Variants in RPH3A observed in about 807,000 individuals in gnomAD.
RPH3A encodes the protein rabphilin-3A.
In RPH3A, 48 loss-of-function variants were observed where a neutral mutation model predicts 102.2. The observed-to-expected ratio is 0.47, with a 90% CI of 0.37 to 0.60. The LOEUF (loss-of-function observed/expected upper bound fraction) is 0.60, where lower values mean the gene tolerates loss of function less well. Ranked by LOEUF, RPH3A falls within the 20% of genes least tolerant of loss-of-function variation. The probability of loss-of-function intolerance (pLI) is 0.00; values close to 1 mark genes in which losing one functional copy is unlikely to be tolerated. For missense variants in RPH3A, 781 were observed against 910.1 expected (o/e 0.86, Z 1.83); for synonymous variants, 310 against 324.3 (o/e 0.96, Z 0.47).
intron 4 of RPH3A, among the ~76,000 whole-genome samples, chr12:112,846,945 G>A (rs941631434): frequency 1.3e-5 from 2 of 152,134 alleles, no homozygotes; most frequent in Admixed American, 1.3e-4. Context: ...ATGCATCCTT[G>A]AGCAAGTGCT....
chr12:112,895,527 A>C, intron 20 of RPH3A: 1 of 427,834 alleles, frequency 2.3e-6, no homozygotes, highest in Non-Finnish European at 4.3e-6. Context: ...GAAAAACCTC[A>C]CCAGCCTTCC....
At chr12:112,793,010 C>T (rs2041154744) in intron 2 of RPH3A, among the ~76,000 whole-genome samples, 1 of 152,168 alleles carries the variant, frequency 6.6e-6, no homozygotes. Context: ...TCCTTGAGTT[C>T]ATCTCAGAAG....
At chr12:112,772,803 T>C (rs757819112) in intron 1 of RPH3A, among the ~76,000 whole-genome samples, 3 of 152,076 alleles carry the variant, frequency 2.0e-5, no homozygotes, top group Admixed American at 6.6e-5. Flanking sequence ...CGTTCTTTAG[T>C]GGTGATTTGT....
At chr12:112,875,560 C>T (rs1003655678) in intron 11 of RPH3A, 119 bp from the exon 12 acceptor site, 29 of 810,574 alleles carry the variant, frequency 3.6e-5, no homozygotes, top group East Asian at 2.1e-4. Context: ...TCTGCAGCCT[C>T]GGGTACCTTT....
chr12:112,702,112 C>T (rs138840500), intron 1 of RPH3A, among the ~76,000 whole-genome samples: 331 of 152,312 alleles, frequency 2.2e-3, no homozygotes, highest in African/African-American at 7.6e-3. Context: ...ACAAAAGTTG[C>T]CATCAGATGC....
chr12:112,621,715 G>A (rs1422352200), intron 1 of RPH3A, among the ~76,000 whole-genome samples: 1 of 152,130 alleles, frequency 6.6e-6, no homozygotes, highest in African/African-American at 2.4e-5. Context: ...CACAGTTCAA[G>A]GAGGCCTGCC....
rs1373944636 is a variant in RPH3A, at chr12:112,602,393, C to T, written c.-140+27074C>T. On this transcript the variant is annotated intron_variant, in intron 1 of 21. Coordinates refer to the RPH3A transcript ENST00000543106. ...TCTCAATTTGCATGTTAAAGGAGTA[C>T]CTGCTTTATCCATCTGCGTTTTAAT... Among the ~76,000 whole-genome samples the T allele has an allele frequency of 5.3e-4, 81 of 152,150 alleles. 1 individual carries two copies. The highest frequency in any genetic ancestry group is 5.9e-5 in the Non-Finnish European group (4 of 68,022).
At chr12:112,595,562 C>G (rs548422530) in intron 1 of RPH3A, among the ~76,000 whole-genome samples, 1 of 152,178 alleles carries the variant, frequency 6.6e-6, no homozygotes, top group African/African-American at 2.4e-5. Flanking sequence ...TGTGCACTAC[C>G]TTTTTTGGCA....
In RPH3A at chr12:112,621,356, G is replaced by A. The variant is rs528740818; in HGVS notation, c.-140+46037G>A. 5.3e-3 allele frequency among the ~76,000 whole-genome samples: 797 copies of A among 150,008 alleles called. 7 individuals are homozygous for A. The highest frequency in any genetic ancestry group is 0.019 in the African/African-American group (769 of 40,536). On this transcript the variant is annotated intron_variant, in intron 1 of 21. Coordinates refer to the RPH3A transcript ENST00000543106. ...GCGCAGGCCAGTGGGTGCGCGCACC[G>A]TGCGCGAGCCGAAGCAGGGCGAGGC...
At chr12:112,578,370 T>C (rs769862235) in intron 1 of RPH3A, among the ~76,000 whole-genome samples, 17 of 152,114 alleles carry the variant, frequency 1.1e-4, no homozygotes, top group Non-Finnish European at 1.5e-5. Context: ...CCAGAATCTT[T>C]TGAGGGGCAA....
At chr12:112,583,207 T>A (rs1472351792) in intron 1 of RPH3A, among the ~76,000 whole-genome samples, 1 of 152,206 alleles carries the variant, frequency 6.6e-6, no homozygotes, top group African/African-American at 2.4e-5. Context: ...AACGACATTA[T>A]CCTCAACGAC....
chr12:112,701,848 C>T (rs955295869), intron 1 of RPH3A, among the ~76,000 whole-genome samples: 1 of 152,334 alleles, frequency 6.6e-6, no homozygotes, highest in Non-Finnish European at 1.5e-5. Flanking sequence ...CAACCAGAAA[C>T]TTACAGCAGG....
At chr12:112,817,723 C>A (rs1292705740) in intron 2 of RPH3A, among the ~76,000 whole-genome samples, 2 of 152,096 alleles carry the variant, frequency 1.3e-5, no homozygotes, top group African/African-American at 2.4e-5. Flanking sequence ...TTTATTGTCA[C>A]TGAATTTTAA....
intron 1 of RPH3A, among the ~76,000 whole-genome samples, chr12:112,758,801 G>A (rs891913548): frequency 1.3e-5 from 2 of 152,186 alleles, no homozygotes; most frequent in African/African-American, 4.8e-5. Context: ...AGTGTATCTA[G>A]TTGTAGGCTC....
chr12:112,712,713 T>C (rs1237692264), intron 1 of RPH3A, among the ~76,000 whole-genome samples: 1 of 151,780 alleles, frequency 6.6e-6, no homozygotes, highest in Non-Finnish European at 1.5e-5. Flanking sequence ...TTTGTTTGTT[T>C]GTTTTGTTTT....
At position 112,763,635 on chromosome 12, in the gene RPH3A, G is replaced by C. The variant is rs527882475; in HGVS notation, c.-139-28508G>C. 4.3e-4 allele frequency among the ~76,000 whole-genome samples: 65 copies of C among 152,312 alleles called. No individual in the cohort carries two copies. In the Middle Eastern group the frequency reaches 0.01, roughly 24 times the overall value. ...TTTTATTATGCAGATGAAGCTTCCAGGTAGTAGGCTTCAGAGAGAATAGAT... is the reference window on the plus strand; with the variant it reads ...TTTTATTATGCAGATGAAGCTTCCACGTAGTAGGCTTCAGAGAGAATAGAT... On this transcript the variant is annotated intron_variant, in intron 1 of 21. Transcript: ENST00000543106.
intron 13 of RPH3A, among the ~76,000 whole-genome samples, chr12:112,877,449 C>CGTAT (rs1417441558): frequency 2.0e-4 from 30 of 151,736 alleles, no homozygotes; most frequent in African/African-American, 6.8e-4. Flanking sequence ...CACACACACA[C>CGTAT]ACACACACAC....
At chr12:112,869,688 G>A in intron 8 of RPH3A, 71 bp from the exon 9 acceptor site, 2 of 1,466,250 alleles carry the variant, frequency 1.4e-6, no homozygotes, top group Non-Finnish European at 1.9e-6. Context: ...CCCTTTGTAG[G>A]CTTCTTAAGT....
chr12:112,841,880 G>GTC (rs1555215118), intron 4 of RPH3A: 2 of 453,842 alleles, frequency 4.4e-6, no homozygotes, highest in Admixed American at 2.4e-5. Context: ...AGGTTAGTTG[G>GTC]TCTCTCTCTC....
Sources: gnomAD v4.1 joint callset for allele counts (sites outside exome capture counted in the v4.1 genomes callset) on GRCh38, gnomAD v4.1.1 for gene constraint, MANE v1.5 for transcripts, NCBI Gene and HGNC (gene_info 2026-07-23, HGNC 2026-07-21) for gene names.